Variants in ADAMTSL1 observed in about 807,000 individuals in gnomAD.
ADAMTSL1 encodes ADAMTS like 1.
Under a neutral mutation model 201.8 loss-of-function variants are expected in ADAMTSL1, and 126 were observed. That is an observed-to-expected ratio of 0.62 (90% confidence interval 0.54 to 0.72). The LOEUF (loss-of-function observed/expected upper bound fraction) is 0.72. ADAMTSL1 is among the 30% of genes least tolerant of loss of function. The pLI is 0.00. For synonymous variants in ADAMTSL1, 1,121 were observed against 903.4 expected (o/e 1.24, Z -4.32); for missense variants, 2,679 against 2,277.8 (o/e 1.18, Z -3.59).
intron 21 of ADAMTSL1, among the ~76,000 whole-genome samples, chr9:18,818,131 T>A (rs1823978749): frequency 6.6e-6 from 1 of 152,188 alleles, no homozygotes; most frequent in Non-Finnish European, 1.5e-5. Context: ...GACCACTCAT[T>A]TGTCATGTGT....
intron 1 of ADAMTSL1, among the ~76,000 whole-genome samples, chr9:18,067,824 A>T (rs1334377816): frequency 6.6e-6 from 1 of 152,126 alleles, no homozygotes; most frequent in Non-Finnish European, 1.5e-5. Flanking sequence ...AGAAGACTTA[A>T]GGGTGATTTA....
At chr9:18,698,460 A>G (rs1831705548) in intron 13 of ADAMTSL1, among the ~76,000 whole-genome samples, 1 of 151,652 alleles carries the variant, frequency 6.6e-6, no homozygotes, top group South Asian at 2.1e-4. Context: ...AATTTTTTGT[A>G]TTTTTAGTAG....
rs147645981 is a variant in ADAMTSL1, at chr9:18,062,422, TATA to T, written c.88-101436_88-101434del. ...GTAACTGAATAAATACCATAATAAA[TATA>T]ATATTTTAAGTAGAATAAAAATGCA... is the stretch of plus-strand genomic sequence containing the variant. On this transcript the variant is annotated intron_variant, in intron 1 of 29. Transcript: ENST00000680146. Among the ~76,000 whole-genome samples, 1,189 of 152,262 alleles carry T rather than the reference TATA, an allele frequency of 7.8e-3. 18 individuals carry two copies. Among genetic ancestry groups the T allele is most frequent in the African/African-American group, 0.027 (1,115 of 41,574 alleles).
intron 16 of ADAMTSL1, among the ~76,000 whole-genome samples, chr9:18,768,859 T>C (rs1004543518): frequency 6.6e-6 from 1 of 152,184 alleles, no homozygotes; most frequent in Non-Finnish European, 1.5e-5. Context: ...TTTATTACCA[T>C]TGGGTATGGT....
intron 2 of ADAMTSL1, among the ~76,000 whole-genome samples, chr9:18,418,201 A>T (rs1473205241): frequency 6.6e-6 from 1 of 152,206 alleles, no homozygotes; most frequent in African/African-American, 2.4e-5. Flanking sequence ...CTTCTAACTG[A>T]TAAAGAGTAT....
intron 1 of ADAMTSL1, among the ~76,000 whole-genome samples, chr9:18,040,201 G>T (rs183139444): frequency 6.6e-6 from 1 of 152,234 alleles, no homozygotes; most frequent in Non-Finnish European, 1.5e-5. Flanking sequence ...CCCTTAAATT[G>T]TGAATAAGCC....
intron 2 of ADAMTSL1, among the ~76,000 whole-genome samples, chr9:18,317,468 C>G (rs989481973): frequency 2.6e-5 from 4 of 151,916 alleles, no homozygotes; most frequent in Non-Finnish European, 5.9e-5. Context: ...GATGAGTTAG[C>G]TAATTTGATT....
rs116606950 is a variant in ADAMTSL1, at chr9:18,313,613, T to C, written c.207+149632T>C. The stretch of plus-strand genomic sequence containing the variant: ...GTGTTTGAAAAATCAGATATCTACA[T>C]GCAAAAGAATAAAATTGGGCTCTCA... On this transcript the variant is annotated intron_variant, in intron 2 of 29. Transcript: ENST00000680146. Among the ~76,000 whole-genome samples, 584 of 152,248 alleles carry C rather than the reference T, an allele frequency of 3.8e-3. 2 individuals carry two copies. Among genetic ancestry groups the C allele is most frequent in the African/African-American group, 0.013 (559 of 41,564 alleles).
At chr9:18,026,173 CT>C (rs1213439997) in intron 1 of ADAMTSL1, among the ~76,000 whole-genome samples, 1 of 151,992 alleles carries the variant, frequency 6.6e-6, no homozygotes, top group African/African-American at 2.4e-5. Context: ...TTTACTTCTT[CT>C]TTTTCTATTC....
chr9:18,491,387 A>G (rs1822264977), intron 1 of ADAMTSL1, among the ~76,000 whole-genome samples: 1 of 152,186 alleles, frequency 6.6e-6, no homozygotes, highest in Admixed American at 6.5e-5. Context: ...TTTCTCTTAA[A>G]CAACATCGAT....
chr9:18,682,388 GA>G (rs547035499), intron 12 of ADAMTSL1, among the ~76,000 whole-genome samples: 3 of 152,256 alleles, frequency 2.0e-5, no homozygotes, highest in African/African-American at 7.2e-5. Flanking sequence ...TGATGAAACA[GA>G]AAACTGTCAC....
At chr9:18,489,039 A>G (rs984082279) in intron 1 of ADAMTSL1, among the ~76,000 whole-genome samples, 4 of 152,008 alleles carry the variant, frequency 2.6e-5, no homozygotes, top group African/African-American at 9.7e-5. Context: ...ATTCCAAACA[A>G]AGTATCTGGG....
intron 2 of ADAMTSL1, among the ~76,000 whole-genome samples, chr9:18,387,175 G>A (rs73432642): frequency 0.058 from 8,822 of 152,006 alleles, 755 homozygotes; most frequent in African/African-American, 0.18. Context: ...AAAAACCTGT[G>A]AGGATAGGTA....
At chr9:18,753,590 G>T (rs1294879469) in intron 16 of ADAMTSL1, 82 bp downstream of exon 16, 1 of 1,458,370 alleles carries the variant, frequency 6.9e-7, no homozygotes, top group Non-Finnish European at 9.3e-7. Context: ...GAGTGGTTTT[G>T]TCCAGGGATG....
chr9:18,273,941 A>C (rs1415966938), intron 2 of ADAMTSL1, among the ~76,000 whole-genome samples: 1 of 152,210 alleles, frequency 6.6e-6, no homozygotes, highest in African/African-American at 2.4e-5. Context: ...AATTCTGGAA[A>C]TTCTCAGGTA....
At chr9:18,905,997 C>T (rs1330309319) in intron 27 of ADAMTSL1, 106 bp downstream of exon 27, 1 of 1,008,568 alleles carries the variant, frequency 9.9e-7, no homozygotes, top group Non-Finnish European at 1.4e-6. Flanking sequence ...CAGTCCCAAG[C>T]CCTGCCTGGG....
At position 18,777,173 on chromosome 9, in the gene ADAMTSL1, G is replaced by A. The variant is rs375369185; in HGVS notation, c.2944G>A (p.Ala982Thr). 68 of 1,612,826 alleles carry A rather than the reference G, an allele frequency of 4.2e-5. No individual in the cohort carries two copies. Among genetic ancestry groups the A allele is most frequent in the Non-Finnish European group, 5.6e-5 (66 of 1,179,834 alleles). Residue 982 changes from alanine (A) to threonine (T), a missense_variant, in exon 19 of 29, where the codon GCG (alanine) becomes ACG (threonine). By Grantham distance (58) the Ala-to-Thr change is moderately conservative (BLOSUM62 0). Coordinates refer to ENST00000380548, the MANE Select transcript of ADAMTSL1 (RefSeq NM_001040272.6). ...LSPRSEEEVL[A>T]GRKGGPKEAL... is the part of the protein sequence containing the mutation. ...CCCGAGAAGTGAGGAAGAGGTGCTT[G>A]CGGGGAGGAAGGGCGGCCCGAAGGA...
At chr9:17,917,414 T>C in intron 1 of ADAMTSL1, among the ~76,000 whole-genome samples, 1 of 152,070 alleles carries the variant, frequency 6.6e-6, no homozygotes, top group Non-Finnish European at 1.5e-5. Flanking sequence ...ATTTGCTGAG[T>C]GTTTTTATCA....
At chr9:18,045,506 G>A (rs1000344861) in intron 1 of ADAMTSL1, among the ~76,000 whole-genome samples, 1 of 152,144 alleles carries the variant, frequency 6.6e-6, no homozygotes, top group Admixed American at 6.5e-5. Flanking sequence ...TATGTTTTAA[G>A]TCTGTCTACA....
Sources: allele counts gnomAD v4.1 joint callset (sites outside exome capture counted in the v4.1 genomes callset), GRCh38; gene constraint gnomAD v4.1.1; transcripts MANE v1.5; gene names NCBI Gene and HGNC (gene_info 2026-07-23, HGNC 2026-07-21).